CPNE4: variants seen among roughly 807,000 people sequenced by gnomAD.
The protein encoded by CPNE4 is copine 4.
A neutral mutation model predicts 67.9 loss-of-function variants in CPNE4; 25 were observed. The ratio of observed to expected loss-of-function variants is 0.37; its 90% CI spans 0.27 to 0.51. The LOEUF (loss-of-function observed/expected upper bound fraction) is 0.51, where lower values mean the gene tolerates loss of function less well. CPNE4 is among the 20% of genes least tolerant of loss of function. The pLI is 0.93. For missense variants in CPNE4, 464 were observed against 690.8 expected (o/e 0.67, Z 3.68); for synonymous variants, 242 against 244.9 (o/e 0.99, Z 0.11).
chr3:131,940,245 A>T (rs1325506358), intron 1 of CPNE4, among the ~76,000 whole-genome samples: 1 of 152,164 alleles, frequency 6.6e-6, no homozygotes, highest in East Asian at 1.9e-4. Flanking sequence ...ATAATGTATG[A>T]ATCTTCTAGA....
chr3:131,535,206 G>A lies in CPNE4; in HGVS notation c.1663C>T (p.Leu555=), dbSNP rs780509609. The change falls in exon 16 of 16, where the codon CTA becomes TTA. Residue 555 remains leucine (L), a synonymous_variant. Transcript: ENST00000429747. ...ACTGTGTGGGGAGTTCATGGTGCTA[G>A]TGTTCTGGAAGATTCATACATTTCT... ...SSEMYESSRT[L]AP 4 of 1,612,070 alleles carry A rather than the reference G, an allele frequency of 2.5e-6. No individual in the cohort carries two copies. Among genetic ancestry groups the A allele is most frequent in the Non-Finnish European group, 3.4e-6 (4 of 1,179,364 alleles).
At chr3:131,594,803 T>A (rs1408730219) in intron 7 of CPNE4, among the ~76,000 whole-genome samples, 1 of 152,194 alleles carries the variant, frequency 6.6e-6, no homozygotes, top group Non-Finnish European at 1.5e-5. Context: ...ATGTATCTCA[T>A]AAAGGTTTAA....
intron 7 of CPNE4, among the ~76,000 whole-genome samples, chr3:131,614,192 A>G (rs1326006137): frequency 6.6e-6 from 1 of 152,200 alleles, no homozygotes; most frequent in Non-Finnish European, 1.5e-5. Flanking sequence ...ACATGTCTAT[A>G]CTATTGTTTT....
intron 2 of CPNE4, among the ~76,000 whole-genome samples, chr3:131,774,358 C>G (rs1187349361): frequency 6.6e-6 from 1 of 151,408 alleles, no homozygotes; most frequent in South Asian, 2.1e-4. Flanking sequence ...AAAAGGACCT[C>G]TTTCTTGTAG....
intron 1 of CPNE4, among the ~76,000 whole-genome samples, chr3:131,919,070 C>T (rs2070667337): frequency 6.6e-6 from 1 of 152,100 alleles, no homozygotes; most frequent in Non-Finnish European, 1.5e-5. Flanking sequence ...AGTCAGAGTT[C>T]CAGCTCTAGC....
chr3:131,627,066 G>A (rs541216767), intron 7 of CPNE4, among the ~76,000 whole-genome samples: 35 of 151,848 alleles, frequency 2.3e-4, no homozygotes, highest in African/African-American at 8.0e-4. Flanking sequence ...GGTGGTGGGC[G>A]CCTGTAATCC....
chr3:131,974,869 G>A (rs549859063), intron 1 of CPNE4, among the ~76,000 whole-genome samples: 23 of 152,204 alleles, frequency 1.5e-4, no homozygotes, highest in African/African-American at 4.6e-4. Context: ...TTAGCCCGGC[G>A]TGGTGGTGCA....
At chr3:131,662,083 C>G (rs2080141105) in intron 7 of CPNE4, among the ~76,000 whole-genome samples, 1 of 151,950 alleles carries the variant, frequency 6.6e-6, no homozygotes, top group African/African-American at 2.4e-5. Flanking sequence ...AGAAAAAAAT[C>G]AGCTTGAAAC....
intron 9 of CPNE4, 30 bp downstream of exon 9, chr3:131,581,549 T>A: frequency 6.8e-7 from 1 of 1,471,376 alleles, no homozygotes; most frequent in Non-Finnish European, 9.5e-7. Context: ...CCTAGCTTCA[T>A]ACTCCTGGAA....
At chr3:132,004,762 T>A (rs777878410) in intron 1 of CPNE4, among the ~76,000 whole-genome samples, 275 of 152,204 alleles carry the variant, frequency 1.8e-3, no homozygotes, top group Non-Finnish European at 3.3e-3. Context: ...CATGAGCCAC[T>A]ATGGTTAAGC....
At chr3:131,859,726 A>C (rs1225903164) in intron 2 of CPNE4, among the ~76,000 whole-genome samples, 2 of 152,190 alleles carry the variant, frequency 1.3e-5, no homozygotes, top group Non-Finnish European at 2.9e-5. Context: ...ACTGAATTAC[A>C]TCCACTGCAG....
chr3:131,694,911 T>C (rs1257936615), intron 5 of CPNE4, among the ~76,000 whole-genome samples: 1 of 152,192 alleles, frequency 6.6e-6, no homozygotes, highest in Non-Finnish European at 1.5e-5. Flanking sequence ...TATAACGGAA[T>C]AGTTCTTCAT....
chr3:131,771,300 T>A (rs1043805778), intron 2 of CPNE4, among the ~76,000 whole-genome samples: 1 of 152,168 alleles, frequency 6.6e-6, no homozygotes, highest in African/African-American at 2.4e-5. Flanking sequence ...CTGTTTTGTT[T>A]TGTCACTGTT....
chr3:131,897,146 C>A (rs760913384), intron 2 of CPNE4, among the ~76,000 whole-genome samples: 1 of 152,100 alleles, frequency 6.6e-6, no homozygotes, highest in East Asian at 1.9e-4. Flanking sequence ...AGTGGTAATT[C>A]GTTGGGTTAT....
At chr3:131,702,478 A>T (rs1410452155) in intron 3 of CPNE4, among the ~76,000 whole-genome samples, 1 of 152,220 alleles carries the variant, frequency 6.6e-6, no homozygotes, top group African/African-American at 2.4e-5. Context: ...AGCAGTAGCC[A>T]GGACAACATC....
intron 1 of CPNE4, among the ~76,000 whole-genome samples, chr3:131,928,542 GCAA>G (rs1314456912): frequency 2.0e-5 from 3 of 152,096 alleles, no homozygotes; most frequent in Admixed American, 6.5e-5. Flanking sequence ...ACCTGAAAAA[GCAA>G]CAACATCCTG....
chr3:131,955,446 A>G (rs577753326), intron 1 of CPNE4, among the ~76,000 whole-genome samples: 1 of 23,246 alleles, frequency 4.3e-5, no homozygotes, highest in African/African-American at 2.0e-4. Context: ...TATGCTTTCT[A>G]CATTCCCTCA....
chr3:131,867,205 T>C (rs2086988121), intron 2 of CPNE4, among the ~76,000 whole-genome samples: 1 of 151,528 alleles, frequency 6.6e-6, no homozygotes, highest in Admixed American at 6.6e-5. Flanking sequence ...GGGAAAGAGG[T>C]GTAAAGAGGG....
intron 2 of CPNE4, among the ~76,000 whole-genome samples, chr3:131,904,259 C>T (rs1294661314): frequency 6.6e-6 from 1 of 152,040 alleles, no homozygotes; most frequent in Non-Finnish European, 1.5e-5. Flanking sequence ...AGCTTGTAGG[C>T]CCCCAGCCCG....
Sources: allele counts gnomAD v4.1 joint callset (sites outside exome capture counted in the v4.1 genomes callset), GRCh38; gene constraint gnomAD v4.1.1; transcripts MANE v1.5; gene names NCBI Gene and HGNC (gene_info 2026-07-23, HGNC 2026-07-21).